The following BTG1 variants were observed in gnomAD, a reference collection of about 807,000 sequenced individuals.
BTG1 encodes protein BTG1.
Under a neutral mutation model 15.2 loss-of-function variants are expected in BTG1, and 2 were observed. That is an observed-to-expected ratio of 0.13 (90% confidence interval 0.05 to 0.41). The LOEUF (loss-of-function observed/expected upper bound fraction) is 0.41. BTG1 is among the 10% of genes least tolerant of loss of function. BTG1 has a pLI of 0.99. For missense variants in BTG1, 149 were observed against 215.0 expected, an observed-to-expected ratio of 0.69 and a Z score of 1.92; for synonymous variants, 109 against 82.4, an observed-to-expected ratio of 1.32 and a Z score of -1.75.
In BTG1 at chr12:92,143,880, AAAATT is replaced by A. The variant is rs1220421610; in HGVS notation, c.*195_*199del. On this transcript the variant is annotated 3_prime_UTR_variant, in exon 2 of 2. Coordinates refer to ENST00000256015, the MANE Select transcript of BTG1 (RefSeq NM_001731.3). ...CATTTACTTGGACTCACAGGCTATT[AAAATT>A]AATCATTGAAAGGTACTGTCCAAAC... The A allele has an allele frequency of 3.4e-4, 196 of 572,594 alleles. No homozygotes were observed. The highest frequency in any genetic ancestry group is 1.7e-3 in the Admixed American group (46 of 26,376). The allele number at this position is 572,594 out of a possible 1,614,324, so 35.5% of individuals were successfully genotyped here.
rs1380056756 is a variant in BTG1, at chr12:92,144,263, C to T, written c.333G>A (p.Val111=). The change falls in exon 2 of 2, where the codon GTG becomes GTA. Residue 111 remains valine (V), a synonymous_variant. Transcript: ENST00000256015. ...ELTLWVDPYE[V]SYRIGEDGSI... ...AGCCATCCTCTCCAATTCTGTAGGA[C>T]ACTTCATAGGGGTCAACCCAGAGTG... 3.1e-6 allele frequency: 5 copies of T among 1,614,106 alleles called. No individual in the cohort carries two copies. Among genetic ancestry groups the T allele is most frequent in the Non-Finnish European group, 2.5e-6 (3 of 1,180,044 alleles).
intron 1 of BTG1, 95 bp from the exon 2 acceptor site, chr12:92,144,542 T>C: frequency 6.7e-7 from 1 of 1,503,660 alleles, no homozygotes; most frequent in East Asian, 2.3e-5. Context: ...GGAGCGAAAA[T>C]GAAAACTATC....
At position 92,142,628 on chromosome 12, in the gene BTG1, T is replaced by C. The variant is rs1870321327; in HGVS notation, c.*1452A>G. Reference sequence around the variant, plus strand: ...ATACCTTTTGTTGAATTCCAGCTTATGTGATTTTTATGTACATCTTGCAGG... The same window carrying C: ...ATACCTTTTGTTGAATTCCAGCTTACGTGATTTTTATGTACATCTTGCAGG... On this transcript the variant is annotated 3_prime_UTR_variant, in exon 2 of 2. Coordinates refer to ENST00000256015, the MANE Select transcript of BTG1 (RefSeq NM_001731.3). 1 of 232,924 alleles carries C rather than the reference T, an allele frequency of 4.3e-6. No homozygotes were observed. The highest frequency in any genetic ancestry group is 8.5e-6 in the Non-Finnish European group (1 of 117,932). 14.4% of individuals were successfully genotyped at this position (232,924 alleles called of 1,614,324 possible). A position where few individuals can be genotyped will look rare whatever the true frequency, so the allele number is the denominator to read the frequency against.
rs577138031 is a variant in BTG1, at chr12:92,141,382, A to G, written c.*2698T>C. ...TGCATGAACCAGGGTAACTCTTGCT[A>G]TACAATCCACTTGAAGCCTTGTTTC... On this transcript the variant is annotated 3_prime_UTR_variant, in exon 2 of 2. Transcript: ENST00000256015. 4.3e-6 allele frequency: 1 copy of G among 232,184 alleles called. No homozygotes were observed. The highest frequency in any genetic ancestry group is 8.5e-6 in the Non-Finnish European group (1 of 117,462). The allele number at this position is 232,184 out of a possible 1,614,324, so 14.4% of individuals were successfully genotyped here.
rs907364271 is a variant in BTG1 at position 92,142,508 on chromosome 12, C to T, written c.*1572G>A. ...TCTACACTACAGCATTATCAAGGTT[C>T]ACTTAGGTTTTTAGTATTTATCTGA... On this transcript the variant is annotated 3_prime_UTR_variant, in exon 2 of 2. Transcript: ENST00000256015. The T allele has an allele frequency of 8.6e-6, 2 of 232,374 alleles. No homozygotes were observed. The highest frequency in any genetic ancestry group is 1.7e-5 in the Non-Finnish European group (2 of 117,604). The allele number at this position is 232,374 out of a possible 1,614,324, so 14.4% of individuals were successfully genotyped here. A position where few individuals can be genotyped will look rare whatever the true frequency, so the allele number is the denominator to read the frequency against.
rs1478794868 is a variant in BTG1 at position 92,143,111 on chromosome 12, T to C, written c.*969A>G. The C allele has an allele frequency of 4.3e-6, 1 of 232,630 alleles. No homozygotes were observed. Among genetic ancestry groups the C allele is most frequent in the Admixed American group, 5.6e-5 (1 of 17,766 alleles). The allele number at this position is 232,630 out of a possible 1,614,324, so 14.4% of individuals were successfully genotyped here. On this transcript the variant is annotated 3_prime_UTR_variant, in exon 2 of 2. Coordinates refer to ENST00000256015, the MANE Select transcript of BTG1 (RefSeq NM_001731.3). ...ACTTTTAGCTAAACCTCTATAATCATGACAAGAGATTGATTAAAATGCCAA... is the reference window on the plus strand; with the variant it reads ...ACTTTTAGCTAAACCTCTATAATCACGACAAGAGATTGATTAAAATGCCAA...
At position 92,142,015 on chromosome 12, in the gene BTG1, G is replaced by A. The variant is rs1870264509; in HGVS notation, c.*2065C>T. ...ACCCATTTAAAAACAACCCTACCTG[G>A]TGTTTTTATTGTAATTCAAGTTTGA... On this transcript the variant is annotated 3_prime_UTR_variant, in exon 2 of 2. Transcript: ENST00000256015. The A allele has an allele frequency of 4.3e-6, 1 of 231,928 alleles. No individual in the cohort carries two copies. Among genetic ancestry groups the A allele is most frequent in the Non-Finnish European group, 8.5e-6 (1 of 117,194 alleles). 14.4% of individuals were successfully genotyped at this position (231,928 alleles called of 1,614,324 possible).
Position 92,145,804 on chromosome 12 carries a change from C to T in BTG1, c.-269G>A, listed in dbSNP as rs1870552270. ...GCTGCCTCCGCCTCCAGCTCCGCAG[C>T]ATTCGAAGATCTCAATAGCTGCATT... On this transcript the variant is annotated 5_prime_UTR_variant, in exon 1 of 2. The change abolishes an upstream ATG in the 5' untranslated region. Coordinates refer to ENST00000256015, the MANE Select transcript of BTG1 (RefSeq NM_001731.3). 3.8e-6 allele frequency: 1 copy of T among 265,002 alleles called. No individual in the cohort carries two copies. Among genetic ancestry groups the T allele is most frequent in the Non-Finnish European group, 7.1e-6 (1 of 140,344 alleles). The allele number at this position is 265,002 out of a possible 1,614,324, so 16.4% of individuals were successfully genotyped here. A position where few individuals can be genotyped will look rare whatever the true frequency, so the allele number is the denominator to read the frequency against.
At chr12:92,144,897 G>A (rs28399538) in intron 1 of BTG1, among the ~76,000 whole-genome samples, 4,003 of 152,314 alleles carry the variant, frequency 0.026, 81 homozygotes, top group Middle Eastern at 0.075. Flanking sequence ...TAATTGTGCC[G>A]GTGACAAATC....
At position 92,140,801 on chromosome 12, in the gene BTG1, G is replaced by A. The variant is rs1048724601; in HGVS notation, c.*3279C>T. 4.3e-6 allele frequency: 1 copy of A among 232,240 alleles called. No individual in the cohort carries two copies. Among genetic ancestry groups the A allele is most frequent in the Non-Finnish European group, 8.5e-6 (1 of 117,538 alleles). 14.4% of individuals were successfully genotyped at this position (232,240 alleles called of 1,614,324 possible). Reference sequence around the variant, plus strand: ...TTCAGATAAATAAGAAATCTATTCAGTTTTAGACAATCCAAGATATACTTT... The same window carrying A: ...TTCAGATAAATAAGAAATCTATTCAATTTTAGACAATCCAAGATATACTTT... On this transcript the variant is annotated 3_prime_UTR_variant, in exon 2 of 2. Coordinates refer to ENST00000256015, the MANE Select transcript of BTG1 (RefSeq NM_001731.3).
At position 92,142,454 on chromosome 12, in the gene BTG1, T is replaced by A. The variant is rs938572643; in HGVS notation, c.*1626A>T. 3 of 232,086 alleles carry A rather than the reference T, an allele frequency of 1.3e-5. No homozygotes were observed. The highest frequency in any genetic ancestry group is 2.6e-5 in the Non-Finnish European group (3 of 117,420). 14.4% of individuals were successfully genotyped at this position (232,086 alleles called of 1,614,324 possible). A position where few individuals can be genotyped will look rare whatever the true frequency, so the allele number is the denominator to read the frequency against. ...TTATCCTCTACAACTAAACAGCAAG[T>A]CCTTCTATTATATGGGGTAGTGAAG... On this transcript the variant is annotated 3_prime_UTR_variant, in exon 2 of 2. Coordinates refer to ENST00000256015, the MANE Select transcript of BTG1 (RefSeq NM_001731.3).
chr12:92,145,234 G>C (rs542797051), intron 1 of BTG1, 154 bp downstream of exon 1: 1 of 1,200,246 alleles, frequency 8.3e-7, no homozygotes, highest in Non-Finnish European at 1.1e-6. Flanking sequence ...GGGAACCGCT[G>C]TTAGCGGCCA....
In BTG1 at chr12:92,143,463, G is replaced by C. The variant is rs1706616042; in HGVS notation, c.*617C>G. On this transcript the variant is annotated 3_prime_UTR_variant, in exon 2 of 2. Transcript: ENST00000256015. ...CACAGTTGAGACAGTGTCTTTTTAAGGGTCTTTTTTAAAGCCTGTTGCCAT... is the reference window on the plus strand; with the variant it reads ...CACAGTTGAGACAGTGTCTTTTTAACGGTCTTTTTTAAAGCCTGTTGCCAT... 8.6e-6 allele frequency: 2 copies of C among 233,764 alleles called. No homozygotes were observed. Among genetic ancestry groups the C allele is most frequent in the Non-Finnish European group, 1.7e-5 (2 of 118,218 alleles). The allele number at this position is 233,764 out of a possible 1,614,324, so 14.5% of individuals were successfully genotyped here.
rs1210577616 is a variant in BTG1, at chr12:92,145,753, C to T, written c.-218G>A. The T allele has an allele frequency of 3.0e-5, 9 of 301,492 alleles. No individual in the cohort carries two copies. Among genetic ancestry groups the T allele is most frequent in the Non-Finnish European group, 5.4e-5 (9 of 165,622 alleles). 18.7% of individuals were successfully genotyped at this position (301,492 alleles called of 1,614,324 possible). On this transcript the variant is annotated 5_prime_UTR_variant, in exon 1 of 2. Transcript: ENST00000256015. ...AGAGGAAGAGACGAGCGATGGCGGC[C>T]TGGTCACATCGCTCGGACCTCCCCA...
Position 92,144,109 on chromosome 12 carries a change from T to G in BTG1, c.487A>C (p.Asn163His). 6.2e-7 allele frequency: 1 copy of G among 1,613,070 alleles called. No homozygotes were observed. The highest frequency in any genetic ancestry group is 8.5e-7 in the Non-Finnish European group (1 of 1,179,936). ...LLLGRTSPSK[N>H]YNMMTVSG ...CCTGATACAGTCATCATATTGTAGT[T>G]TTTGGAAGGGCTCGTTCTGCCCAAG... The change falls in exon 2 of 2, where the codon AAC becomes CAC. Residue 163 changes from asparagine to histidine, a missense_variant. Coordinates refer to ENST00000256015, the MANE Select transcript of BTG1 (RefSeq NM_001731.3).
intron 1 of BTG1, 78 bp downstream of exon 1, chr12:92,145,310 G>T (rs907680488): frequency 1.5e-6 from 2 of 1,373,506 alleles, no homozygotes; most frequent in Admixed American, 3.3e-5. Context: ...CGCTGCCGAG[G>T]TTCCCGCAGC....
At position 92,143,792 on chromosome 12, in the gene BTG1, T is replaced by C; in HGVS notation, c.*288A>G. On this transcript the variant is annotated 3_prime_UTR_variant, in exon 2 of 2. Transcript: ENST00000256015. ...TCTTTAAAAGGATTGATGTAAAAAT[T>C]TAGGTATGTCTGGGAGAAACTGAAA... is the stretch of plus-strand genomic sequence containing the variant. 3.0e-6 allele frequency: 1 copy of C among 331,450 alleles called. No individual in the cohort carries two copies. The highest frequency in any genetic ancestry group is 6.2e-5 in the South Asian group (1 of 16,006). 20.5% of individuals were successfully genotyped at this position (331,450 alleles called of 1,614,324 possible).
In BTG1 at chr12:92,142,045, C is replaced by G; in HGVS notation, c.*2035G>C. ...TTTATTGTAATTCAAGTTTGAAATACCGAGGAGCTTTTTCACAGAATAGGT... is the reference window on the plus strand; with the variant it reads ...TTTATTGTAATTCAAGTTTGAAATAGCGAGGAGCTTTTTCACAGAATAGGT... On this transcript the variant is annotated 3_prime_UTR_variant, in exon 2 of 2. Transcript: ENST00000256015. 1 of 231,828 alleles carries G rather than the reference C, an allele frequency of 4.3e-6. No individual in the cohort carries two copies. The highest frequency in any genetic ancestry group is 6.1e-5 in the East Asian group (1 of 16,380). 14.4% of individuals were successfully genotyped at this position (231,828 alleles called of 1,614,324 possible). A position where few individuals can be genotyped will look rare whatever the true frequency, so the allele number is the denominator to read the frequency against.
Position 92,140,635 on chromosome 12 carries a change from C to CT in BTG1, c.*3444dup, listed in dbSNP as rs1393841772. 4.3e-6 allele frequency: 1 copy of CT among 231,932 alleles called. No individual in the cohort carries two copies. Among genetic ancestry groups the CT allele is most frequent in the Non-Finnish European group, 8.5e-6 (1 of 117,366 alleles). The allele number at this position is 231,932 out of a possible 1,614,324, so 14.4% of individuals were successfully genotyped here. A position where few individuals can be genotyped will look rare whatever the true frequency, so the allele number is the denominator to read the frequency against. On this transcript the variant is annotated 3_prime_UTR_variant, in exon 2 of 2. Coordinates refer to ENST00000256015, the MANE Select transcript of BTG1 (RefSeq NM_001731.3). ...TGGGTCGGCTGGTATTACAAACTAT[C>CT]TTACTGTAAAAGATTTTGTGATACT...
Sources: gnomAD v4.1 joint callset for allele counts (sites outside exome capture counted in the v4.1 genomes callset) on GRCh38, gnomAD v4.1.1 for gene constraint, MANE v1.5 for transcripts, NCBI Gene and HGNC (gene_info 2026-07-23, HGNC 2026-07-21) for gene names.